The following SHC2 variants were observed in gnomAD, a reference collection of about 807,000 sequenced individuals.
SHC2 encodes the protein SHC adaptor protein 2.
A neutral mutation model predicts 60.6 loss-of-function variants in SHC2; 62 were observed. The observed-to-expected ratio is 1.02, with a 90% CI of 0.83 to 1.26. The LOEUF (loss-of-function observed/expected upper bound fraction) is 1.26, where lower values mean the gene tolerates loss of function less well. Among genes scored for constraint, SHC2 ranks in the 50% most tolerant of loss-of-function variants. The probability of loss-of-function intolerance (pLI) is 0.00; values close to 1 mark genes in which losing one functional copy is unlikely to be tolerated. For missense variants in SHC2, 873 were observed against 822.2 expected, an observed-to-expected ratio of 1.06 and a Z score of -0.76; for synonymous variants, 375 against 372.4, an observed-to-expected ratio of 1.01 and a Z score of -0.08.
rs150996906 is a variant in SHC2 at position 441,634 on chromosome 19, G to A, written c.469-702C>T. Among the ~76,000 whole-genome samples, 12 of 152,354 alleles carry A rather than the reference G, an allele frequency of 7.9e-5. No homozygotes were observed. In the East Asian group the frequency reaches 2.3e-3, roughly 29 times the overall value. On this transcript the variant is annotated intron_variant, in intron 1 of 12. Transcript: ENST00000264554. This position sits in a 1 kb window ranked among gnomAD's most constrained non-coding sequence, Gnocchi z 4.9. ...CGTCATCTCTATGAAATGTCCTACA[G>A]AGGCAGCAAGAGCATGTGTGGGTGC...
At position 418,914 on chromosome 19, in the gene SHC2, G is replaced by C. The variant is rs545364730; in HGVS notation, c.*5+9C>G. 5.8e-5 allele frequency: 91 copies of C among 1,579,666 alleles called. 1 individual carries two copies. In the South Asian group the frequency reaches 9.9e-4, roughly 17 times the overall value. On this transcript the variant is annotated intron_variant, in intron 12 of 12. Coordinates refer to ENST00000264554, the MANE Select transcript of SHC2 (RefSeq NM_012435.3). ...GCAAGGCCAGCGACCCACGGCGGCA[G>C]CCACACACCTGGCTCAGGGCTCCCG...
Position 446,596 on chromosome 19 carries a change from C to T in SHC2, c.469-5664G>A, listed in dbSNP as rs547132107. On this transcript the variant is annotated intron_variant, in intron 1 of 12. Coordinates refer to ENST00000264554, the MANE Select transcript of SHC2 (RefSeq NM_012435.3). The surrounding 1 kb of genome is among the most constrained non-coding windows in gnomAD (Gnocchi z 5.4). ...CTGGGACTACAGGCGTGAGTCACCGCGCCCGGCTGTCTGTGTTGTTTTAAG... is the reference window on the plus strand; with the variant it reads ...CTGGGACTACAGGCGTGAGTCACCGTGCCCGGCTGTCTGTGTTGTTTTAAG... Among the ~76,000 whole-genome samples, 14 of 152,316 alleles carry T rather than the reference C, an allele frequency of 9.2e-5. No homozygotes were observed. In the South Asian group the frequency reaches 1.0e-3, roughly 11 times the overall value.
At chr19:435,247 C>T (rs1472772028) in intron 7 of SHC2, among the ~76,000 whole-genome samples, 4 of 152,260 alleles carry the variant, frequency 2.6e-5, no homozygotes, top group South Asian at 2.1e-4. Context: ...CCTCTGGCCC[C>T]GATGGCACTG....
At chr19:458,045 G>A (rs911797302) in intron 1 of SHC2, among the ~76,000 whole-genome samples, 2,369 of 129,134 alleles carry the variant, frequency 0.018, 137 homozygotes, top group Middle Eastern at 0.048. Flanking sequence ...TTCCGGGGAG[G>A]CGGAAGCGGG....
intron 1 of SHC2, among the ~76,000 whole-genome samples, chr19:458,038 C>T (rs1396854594): frequency 1.6e-4 from 19 of 118,466 alleles, no homozygotes; most frequent in South Asian, 7.9e-4. Flanking sequence ...AAGTAGGTTC[C>T]GGGGAGGCGG....
At chr19:451,450 C>G (rs1975194490) in intron 1 of SHC2, among the ~76,000 whole-genome samples, 1 of 152,258 alleles carries the variant, frequency 6.6e-6, no homozygotes, top group African/African-American at 2.4e-5. Flanking sequence ...GACACCTGGA[C>G]TGTTTCCACC....
Position 436,212 on chromosome 19 carries a change from G to A in SHC2, c.906C>T (p.Phe302=), listed in dbSNP as rs1254927238. ...TGGGCGGGCTGTGCAGGTACTGCTT[G>A]AAGCGCAGCTCGAAAGCTTGGCCCA... ...STVGQAFELR[F]KQYLHSPPKV... is the part of the protein sequence containing the mutation. The change falls in exon 7 of 13, where the codon TTC becomes TTT. Residue 302 remains phenylalanine, a synonymous_variant. Coordinates refer to ENST00000264554, the MANE Select transcript of SHC2 (RefSeq NM_012435.3). The A allele has an allele frequency of 1.2e-6, 2 of 1,606,928 alleles. No homozygotes were observed. Among genetic ancestry groups the A allele is most frequent in the Non-Finnish European group, 1.7e-6 (2 of 1,177,338 alleles).
chr19:450,036 T>C (rs62102131), intron 1 of SHC2, among the ~76,000 whole-genome samples: 3 of 152,124 alleles, frequency 2.0e-5, no homozygotes, highest in African/African-American at 7.2e-5. Flanking sequence ...AGGACGCCCC[T>C]CCCACTGGCC....
At position 459,782 on chromosome 19, in the gene SHC2, T is replaced by A. The variant is rs1231318642; in HGVS notation, c.468+747A>T. 4.0e-5 allele frequency among the ~76,000 whole-genome samples: 6 copies of A among 151,574 alleles called. No homozygotes were observed. In the East Asian group the frequency reaches 5.8e-4, roughly 15 times the overall value. ...ACCCACCGGTAGTGGCGTGCGGGAG[T>A]GGCTGATCATTTTCCCAGACGCCGT... On this transcript the variant is annotated intron_variant, in intron 1 of 12. Coordinates refer to ENST00000264554, the MANE Select transcript of SHC2 (RefSeq NM_012435.3).
chr19:449,821 C>T (rs1176251271), intron 1 of SHC2, among the ~76,000 whole-genome samples: 1 of 152,138 alleles, frequency 6.6e-6, no homozygotes, highest in Non-Finnish European at 1.5e-5. Context: ...TGTTAATAAT[C>T]GGCCAGTCTA....
rs1442696262 is a variant in SHC2 at position 458,771 on chromosome 19, C to T, written c.468+1758G>A. Among the ~76,000 whole-genome samples, 200 of 121,094 alleles carry T rather than the reference C, an allele frequency of 1.7e-3. 1 individual carries two copies. The highest frequency in any genetic ancestry group is 2.7e-3 in the Non-Finnish European group (158 of 59,414). 79.4% of individuals were successfully genotyped at this position (121,094 alleles called of 152,430 possible). ...GAAGCGGGTCCCGGGGAGGCGGAGG[C>T]GGGTTCCGGGGAGGCGGAAGCGGGT... is the stretch of plus-strand genomic sequence containing the variant. On this transcript the variant is annotated intron_variant, in intron 1 of 12. Transcript: ENST00000264554.
Position 440,809 on chromosome 19 carries a change from C to T in SHC2, c.539+53G>A. On this transcript the variant is annotated intron_variant, in intron 2 of 12. Transcript: ENST00000264554. The surrounding 1 kb of genome is among the most constrained non-coding windows in gnomAD (Gnocchi z 7.0). ...TCGCTGCCGCCCTCCAGTGCTGCCG[C>T]CCTCCAGTGCGTCACTCAGCCCTAC... The T allele has an allele frequency of 4.0e-6, 6 of 1,500,242 alleles. No individual in the cohort carries two copies. In the South Asian group the frequency reaches 5.6e-5, roughly 14 times the overall value. 92.9% of individuals were successfully genotyped at this position (1,500,242 alleles called of 1,614,324 possible).
intron 1 of SHC2, among the ~76,000 whole-genome samples, chr19:443,320 G>GGATGGATGGACA (rs1555707618): frequency 0.085 from 11,650 of 137,774 alleles, 1,872 homozygotes; most frequent in African/African-American, 0.31. Flanking sequence ...GTGGATGGGT[G>GGATGGATGGACA]GATGGATGGA....
At chr19:417,852 G>C (rs1420441000) in intron 12 of SHC2, among the ~76,000 whole-genome samples, 1 of 152,140 alleles carries the variant, frequency 6.6e-6, no homozygotes, top group African/African-American at 2.4e-5. Flanking sequence ...CCGCATAGGG[G>C]AGGGGCCGCC....
chr19:442,295 AGATG>A (rs1974891110), intron 1 of SHC2, among the ~76,000 whole-genome samples: 1 of 147,034 alleles, frequency 6.8e-6, no homozygotes, highest in South Asian at 2.2e-4. Context: ...ATGGATGGGT[AGATG>A]GATGGACAGG....
At position 422,802 on chromosome 19, in the gene SHC2, C is replaced by T. The variant is rs1053954788; in HGVS notation, c.1310-346G>A. The T allele has an allele frequency of 4.6e-5, 10 of 217,412 alleles. No individual in the cohort carries two copies. The allele number at this position is 217,412 out of a possible 1,614,324, so 13.5% of individuals were successfully genotyped here. A position where few individuals can be genotyped will look rare whatever the true frequency, so the allele number is the denominator to read the frequency against. On this transcript the variant is annotated intron_variant, in intron 10 of 12. Coordinates refer to ENST00000264554, the MANE Select transcript of SHC2 (RefSeq NM_012435.3). This position sits in a 1 kb window ranked among gnomAD's most constrained non-coding sequence, Gnocchi z 5.0. ...AAGCGTACGCCTCTCGTTTCCTTGT[C>T]TGGTCTTACTGCATTGGCCGCGGGG...
chr19:420,256 G>A (rs967781337), intron 11 of SHC2, among the ~76,000 whole-genome samples: 1 of 152,290 alleles, frequency 6.6e-6, no homozygotes, highest in Admixed American at 6.5e-5. Context: ...TGGGAGAACA[G>A]GCAGCTCTCG....
intron 8 of SHC2, among the ~76,000 whole-genome samples, chr19:434,240 C>T (rs76543925): frequency 3.1e-4 from 1 of 3,218 alleles, no homozygotes; most frequent in Non-Finnish European, 5.6e-4. Context: ...GAGTGAGATC[C>T]TGAGTGAGAT....
At chr19:452,496 TGGG>T in intron 1 of SHC2, among the ~76,000 whole-genome samples, 1 of 129,886 alleles carries the variant, frequency 7.7e-6, no homozygotes, top group East Asian at 2.5e-4. Context: ...CGTACTGACT[TGGG>T]GGGAGTTCCT....
Sources: allele counts gnomAD v4.1 joint callset (sites outside exome capture counted in the v4.1 genomes callset), GRCh38; gene constraint gnomAD v4.1.1; non-coding constraint Gnocchi (gnomAD v3.1); transcripts MANE v1.5; gene names NCBI Gene and HGNC (gene_info 2026-07-23, HGNC 2026-07-21).